Variants in FER observed in about 807,000 individuals in gnomAD.
FER encodes the protein FER tyrosine kinase.
In FER, 63 loss-of-function variants were observed where a neutral mutation model predicts 111.0. That is an observed-to-expected ratio of 0.57 (90% confidence interval 0.46 to 0.70). The LOEUF (loss-of-function observed/expected upper bound fraction) is 0.70, where lower values mean the gene tolerates loss of function less well. Among genes scored for constraint, FER ranks in the 30% least tolerant of loss-of-function variants. FER has a pLI of 0.00. For missense variants in FER, 914 were observed against 954.0 expected, an observed-to-expected ratio of 0.96 and a Z score of 0.55; for synonymous variants, 327 against 313.9, an observed-to-expected ratio of 1.04 and a Z score of -0.44.
Position 108,835,634 on chromosome 5 carries a change from C to T in FER, c.382-74C>T. The T allele has an allele frequency of 8.5e-6, 8 of 946,636 alleles. No homozygotes were observed. In the South Asian group the frequency reaches 1.1e-4, roughly 13 times the overall value. 58.6% of individuals were successfully genotyped at this position (946,636 alleles called of 1,614,324 possible). ...GTAGTGAAATACACATCAGTTAATA[C>T]TTTGGAATTTAAGTTCTTGAGCAAT... On this transcript the variant is annotated intron_variant, in intron 4 of 19. Transcript: ENST00000281092.
At chr5:108,839,710 T>A (rs1761062093) in intron 5 of FER, among the ~76,000 whole-genome samples, 2 of 151,462 alleles carry the variant, frequency 1.3e-5, no homozygotes, top group South Asian at 4.2e-4. Flanking sequence ...CTGGAGTAGC[T>A]GGGACTACAG....
At chr5:108,876,280 C>T (rs764333980) in intron 8 of FER, among the ~76,000 whole-genome samples, 5 of 152,108 alleles carry the variant, frequency 3.3e-5, no homozygotes, top group East Asian at 1.9e-4. Flanking sequence ...TATCAGAGTA[C>T]GTAAATAAAG....
chr5:109,065,356 A>G (rs987598074), intron 16 of FER, among the ~76,000 whole-genome samples: 2 of 152,228 alleles, frequency 1.3e-5, no homozygotes, highest in Admixed American at 6.5e-5. Context: ...TGTACCATAT[A>G]TATTCAGATT....
chr5:108,875,779 A>G (rs1465914156), intron 8 of FER, among the ~76,000 whole-genome samples: 1 of 152,144 alleles, frequency 6.6e-6, no homozygotes, highest in Non-Finnish European at 1.5e-5. Context: ...TTGTCTGCAA[A>G]AGAAGAAATT....
At chr5:109,055,088 G>A (rs1773450167) in intron 16 of FER, among the ~76,000 whole-genome samples, 1 of 152,166 alleles carries the variant, frequency 6.6e-6, no homozygotes, top group African/African-American at 2.4e-5. Flanking sequence ...CTGACAGATG[G>A]TGCTGGGAAA....
chr5:109,123,622 A>G (rs546310116), intron 17 of FER, among the ~76,000 whole-genome samples: 15 of 152,304 alleles, frequency 9.8e-5, no homozygotes, highest in South Asian at 6.2e-4. Context: ...ACTGATGTCA[A>G]TTTATCACTG....
intron 9 of FER, among the ~76,000 whole-genome samples, chr5:108,889,117 CAGTT>C (rs954986892): frequency 1.3e-5 from 2 of 151,766 alleles, no homozygotes; most frequent in Non-Finnish European, 2.9e-5. Flanking sequence ...AACCTGAACT[CAGTT>C]AGTGTAACCA....
chr5:108,966,649 G>T (rs1378323902), intron 13 of FER, among the ~76,000 whole-genome samples: 2 of 151,940 alleles, frequency 1.3e-5, no homozygotes, highest in Non-Finnish European at 2.9e-5. Context: ...GCCTCCCAAA[G>T]TGCTGGGATT....
At chr5:109,156,624 G>A (rs1043663554) in intron 17 of FER, among the ~76,000 whole-genome samples, 1 of 151,910 alleles carries the variant, frequency 6.6e-6, no homozygotes, top group Non-Finnish European at 1.5e-5. Flanking sequence ...AGAGCACCTG[G>A]GACCAAACCT....
At chr5:108,907,852 T>C (rs988137606) in intron 10 of FER, among the ~76,000 whole-genome samples, 1 of 152,166 alleles carries the variant, frequency 6.6e-6, no homozygotes, top group East Asian at 1.9e-4. Flanking sequence ...TTTTTTTTCT[T>C]TTGTCATGAT....
intron 10 of FER, among the ~76,000 whole-genome samples, chr5:108,932,620 T>C (rs1754848890): frequency 2.0e-5 from 3 of 152,236 alleles, no homozygotes; most frequent in Admixed American, 6.5e-5. Context: ...ATAGGTGAAC[T>C]AATTTACACT....
chr5:109,157,209 C>T (rs1755494411), intron 17 of FER, among the ~76,000 whole-genome samples: 1 of 152,130 alleles, frequency 6.6e-6, no homozygotes, highest in Non-Finnish European at 1.5e-5. Context: ...AAAATATATA[C>T]ACAATTAAAT....
At chr5:108,820,900 C>A (rs1032934626) in intron 3 of FER, among the ~76,000 whole-genome samples, 2 of 151,992 alleles carry the variant, frequency 1.3e-5, no homozygotes, top group Admixed American at 1.3e-4. Context: ...CCAAGGTGGG[C>A]GAATCACTTG....
At chr5:108,883,577 T>G in intron 9 of FER, 59 bp downstream of exon 9, 1 of 1,446,432 alleles carries the variant, frequency 6.9e-7, no homozygotes, top group South Asian at 1.5e-5. Flanking sequence ...TACAAAAATA[T>G]TTTAGTTACA....
intron 13 of FER, among the ~76,000 whole-genome samples, chr5:108,973,054 A>G (rs565492596): frequency 1.3e-5 from 2 of 152,258 alleles, no homozygotes; most frequent in Admixed American, 1.3e-4. Context: ...TTTCCATTAA[A>G]TTTATTTGAC....
intron 3 of FER, among the ~76,000 whole-genome samples, chr5:108,826,574 CTT>C (rs1288442499): frequency 6.6e-6 from 1 of 152,126 alleles, no homozygotes; most frequent in African/African-American, 2.4e-5. Flanking sequence ...CTTATAGTGT[CTT>C]TGTCTGGCTT....
chr5:108,834,415 TGGC>T, intron 4 of FER, among the ~76,000 whole-genome samples: 1 of 152,112 alleles, frequency 6.6e-6, no homozygotes, highest in African/African-American at 2.4e-5. Context: ...AAAAGTTTTC[TGGC>T]TGGGTGCGGT....
chr5:109,135,494 A>G (rs141318592), intron 17 of FER, among the ~76,000 whole-genome samples: 125 of 152,312 alleles, frequency 8.2e-4, no homozygotes, highest in Admixed American at 2.6e-3. Context: ...GCAAGTCGCA[A>G]TGGTTACATA....
rs189372846 is a variant in FER, at chr5:109,055,435, A to G, written c.1924+8237A>G. Among the ~76,000 whole-genome samples, 178 of 152,344 alleles carry G rather than the reference A, an allele frequency of 1.2e-3. 2 individuals are homozygous for G. The highest frequency in any genetic ancestry group is 4.0e-3 in the African/African-American group (168 of 41,584). ...ATACCTGATAAGGGGTTAATATCCA[A>G]AATGTATAAAGAACTCATACAACTC... On this transcript the variant is annotated intron_variant, in intron 16 of 19. Coordinates refer to ENST00000281092, the MANE Select transcript of FER (RefSeq NM_005246.4).
Sources: gnomAD v4.1 joint callset for allele counts (sites outside exome capture counted in the v4.1 genomes callset) on GRCh38, gnomAD v4.1.1 for gene constraint, MANE v1.5 for transcripts, NCBI Gene and HGNC (gene_info 2026-07-23, HGNC 2026-07-21) for gene names.